PIAS2: variants seen among roughly 807,000 people sequenced by gnomAD.
The protein encoded by PIAS2 is protein inhibitor of activated STAT 2.
A neutral mutation model predicts 69.7 loss-of-function variants in PIAS2; 19 were observed. That is an observed-to-expected ratio of 0.27 (90% CI 0.19 to 0.40). The LOEUF (loss-of-function observed/expected upper bound fraction) is 0.40, where lower values mean the gene tolerates loss of function less well. Ranked by LOEUF, PIAS2 falls within the 10% of genes least tolerant of loss-of-function variation. The probability of loss-of-function intolerance (pLI) is 1.00; values close to 1 mark genes in which losing one functional copy is unlikely to be tolerated. For synonymous variants in PIAS2, 261 were observed against 263.2 expected (o/e 0.99, Z 0.08); for missense variants, 624 against 757.0 (o/e 0.82, Z 2.06).
At chr18:46,820,562 C>T (rs1166277646) in intron 12 of PIAS2, among the ~76,000 whole-genome samples, 3 of 152,082 alleles carry the variant, frequency 2.0e-5, no homozygotes, top group African/African-American at 7.2e-5. Context: ...CCCCAAACAA[C>T]ATCAATATAT....
intron 1 of PIAS2, among the ~76,000 whole-genome samples, chr18:46,912,610 T>G (rs11874634): frequency 0.077 from 11,686 of 152,208 alleles, 483 homozygotes; most frequent in African/African-American, 0.1. Flanking sequence ...AAAATGTAAC[T>G]GATAGAAATC....
At chr18:46,815,707 A>T (rs924337606) in intron 12 of PIAS2, 62 of 1,004,770 alleles carry the variant, frequency 6.2e-5, no homozygotes, top group Non-Finnish European at 6.9e-5. Context: ...AAAAAAAAAC[A>T]TACTTAAGCT....
chr18:46,837,566 T>C (rs1050874760), intron 8 of PIAS2, among the ~76,000 whole-genome samples: 2 of 152,254 alleles, frequency 1.3e-5, no homozygotes, highest in African/African-American at 4.8e-5. Flanking sequence ...AGAAATCGTG[T>C]GTAATATGAA....
chr18:46,918,128 A>G (rs1033642901), upstream of PIAS2: 1 of 152,206 alleles, frequency 6.6e-6, no homozygotes, highest in Non-Finnish European at 1.5e-5. Flanking sequence ...CATGCTAAAA[A>G]GTCGGGGAAA....
rs1599190920 is a variant in PIAS2 at position 46,803,915 on chromosome 18, C to A, written c.*8518G>T. The A allele has an allele frequency of 6.6e-6, 1 of 152,304 alleles. No homozygotes were observed. The highest frequency in any genetic ancestry group is 1.5e-5 in the Non-Finnish European group (1 of 68,048). The allele number at this position is 152,304 out of a possible 1,614,324, so 9.4% of individuals were successfully genotyped here. ...CCCACCCCTCATTAATGGCCCTTGCCCCTGTAAGTTTTGGAGTTCAGAAGG... is the reference window on the plus strand; with the variant it reads ...CCCACCCCTCATTAATGGCCCTTGCACCTGTAAGTTTTGGAGTTCAGAAGG... On this transcript the variant is annotated 3_prime_UTR_variant, in exon 14 of 14. Transcript: ENST00000585916.
rs756262611 is a variant in PIAS2, at chr18:46,818,472, TATG to T, written c.1648+2458_1648+2460del. The stretch of plus-strand genomic sequence containing the variant: ...CCTGCAGATTCAGAAGATTCATGTT[TATG>T]ATGTTTAAAAGGAATGTTAAGAAAT... On this transcript the variant is annotated intron_variant, in intron 12 of 13. Transcript: ENST00000585916. 1.0e-5 allele frequency: 16 copies of T among 1,550,132 alleles called. No homozygotes were observed. In the East Asian group the frequency reaches 3.7e-4, roughly 36 times the overall value.
At position 46,807,383 on chromosome 18, in the gene PIAS2, A is replaced by ATATATATATATATATTTT. The variant is rs869149927; in HGVS notation, c.*5049_*5050insAAAATATATATATATATA. 8.6e-5 allele frequency: 1 copy of ATATATATATATATATTTT among 11,600 alleles called. No individual in the cohort carries two copies. The highest frequency in any genetic ancestry group is 1.3e-4 in the Non-Finnish European group (1 of 7,454). The allele number at this position is 11,600 out of a possible 1,614,324, so 0.7% of individuals were successfully genotyped here. ...TATATATATATATATATATATATAT[A>ATATATATATATATATTTT]TTTTTTTTTTTTTTTTTTTTTTTTT... On this transcript the variant is annotated 3_prime_UTR_variant, in exon 14 of 14. Coordinates refer to ENST00000585916, the MANE Select transcript of PIAS2 (RefSeq NM_004671.5).
intron 1 of PIAS2, among the ~76,000 whole-genome samples, chr18:46,893,145 C>T (rs1461084358): frequency 6.6e-6 from 1 of 152,194 alleles, no homozygotes; most frequent in Non-Finnish European, 1.5e-5. Flanking sequence ...AAACCAGTCA[C>T]AGCTTACTCA....
chr18:46,888,867 G>T (rs547200057), intron 2 of PIAS2, among the ~76,000 whole-genome samples: 63 of 152,292 alleles, frequency 4.1e-4, no homozygotes, highest in African/African-American at 1.5e-3. Flanking sequence ...ACAGGCTGTG[G>T]ACTGGTGCTA....
At chr18:46,875,694 C>T (rs568017186) in intron 2 of PIAS2, among the ~76,000 whole-genome samples, 24 of 152,324 alleles carry the variant, frequency 1.6e-4, no homozygotes, top group Non-Finnish European at 2.6e-4. Flanking sequence ...CAGACTATAG[C>T]TCTAGAGACA....
intron 3 of PIAS2, among the ~76,000 whole-genome samples, chr18:46,856,305 C>CTT (rs149657286): frequency 2.6e-5 from 4 of 151,846 alleles, no homozygotes; most frequent in Non-Finnish European, 4.4e-5. Flanking sequence ...TGGCCAAAGA[C>CTT]TTTTCTTTTA....
At chr18:46,829,933 T>C (rs1046978073) in intron 9 of PIAS2, 66 bp from the exon 10 acceptor site, 1 of 1,375,732 alleles carries the variant, frequency 7.3e-7, no homozygotes, top group Non-Finnish European at 1.0e-6. Context: ...AATAAGAAAG[T>C]AATACACATT....
chr18:46,807,079 G>C lies in PIAS2; in HGVS notation c.*5354C>G, dbSNP rs896492463. The C allele has an allele frequency of 6.6e-6, 1 of 151,550 alleles. No individual in the cohort carries two copies. The highest frequency in any genetic ancestry group is 2.4e-5 in the African/African-American group (1 of 41,198). 9.4% of individuals were successfully genotyped at this position (151,550 alleles called of 1,614,324 possible). ...TAGCTTTTAGCCTTACCACTTTTCA[G>C]TTTGGGGATGGAATGCCTTTGGCTC... is the stretch of plus-strand genomic sequence containing the variant. On this transcript the variant is annotated 3_prime_UTR_variant, in exon 14 of 14. Coordinates refer to ENST00000585916, the MANE Select transcript of PIAS2 (RefSeq NM_004671.5).
rs2040939378 is a variant in PIAS2, at chr18:46,810,651, A to G, written c.*1782T>C. On this transcript the variant is annotated 3_prime_UTR_variant, in exon 14 of 14. Coordinates refer to ENST00000585916, the MANE Select transcript of PIAS2 (RefSeq NM_004671.5). Reference sequence around the variant, plus strand: ...AATCCATTGAATAAGGAGACAATGTAGCCAAAGAAGGGATTTGTGGAAAAC... The same window carrying G: ...AATCCATTGAATAAGGAGACAATGTGGCCAAAGAAGGGATTTGTGGAAAAC... The G allele has an allele frequency of 6.6e-6, 1 of 152,002 alleles. No homozygotes were observed. The highest frequency in any genetic ancestry group is 1.5e-5 in the Non-Finnish European group (1 of 68,014). 9.4% of individuals were successfully genotyped at this position (152,002 alleles called of 1,614,324 possible).
At chr18:46,880,589 G>A (rs369820499) in intron 2 of PIAS2, among the ~76,000 whole-genome samples, 25 of 152,150 alleles carry the variant, frequency 1.6e-4, no homozygotes, top group Middle Eastern at 6.8e-3. Context: ...TGAGACCCCC[G>A]TCTACTAAAA....
At chr18:46,858,356 G>A (rs2048150927) in intron 3 of PIAS2, among the ~76,000 whole-genome samples, 1 of 152,168 alleles carries the variant, frequency 6.6e-6, no homozygotes, top group East Asian at 1.9e-4. Context: ...AAGATCATAT[G>A]TAGGAGCTTT....
At chr18:46,862,241 G>C (rs369491603) in intron 3 of PIAS2, among the ~76,000 whole-genome samples, 1 of 152,134 alleles carries the variant, frequency 6.6e-6, no homozygotes, top group Non-Finnish European at 1.5e-5. Context: ...TGAGGCAGGA[G>C]AATCGCCTGA....
intron 2 of PIAS2, among the ~76,000 whole-genome samples, chr18:46,874,482 C>G (rs1446073846): frequency 3.3e-5 from 5 of 152,064 alleles, no homozygotes; most frequent in Non-Finnish European, 7.4e-5. Flanking sequence ...AATACCATAC[C>G]CCCTGGCACT....
chr18:46,916,177 T>G (rs1441914939), intron 1 of PIAS2, among the ~76,000 whole-genome samples: 2 of 152,222 alleles, frequency 1.3e-5, no homozygotes, highest in Non-Finnish European at 2.9e-5. Flanking sequence ...CAATCTCCGT[T>G]TAGAGCAGAG....
Sources: allele counts gnomAD v4.1 joint callset (sites outside exome capture counted in the v4.1 genomes callset), GRCh38; gene constraint gnomAD v4.1.1; transcripts MANE v1.5; gene names NCBI Gene and HGNC (gene_info 2026-07-23, HGNC 2026-07-21).